Variants in PARP4 observed in about 807,000 individuals in gnomAD.
PARP4 encodes the protein poly(ADP-ribose) polymerase family member 4.
PARP4 carries 120 observed loss-of-function variants against 187.7 expected under a neutral mutation model. That is an observed-to-expected ratio of 0.64 (90% CI 0.55 to 0.74). The LOEUF is 0.74. Ranked by LOEUF, PARP4 falls within the 30% of genes least tolerant of loss-of-function variation. The pLI is 0.00. For missense variants in PARP4, 1,836 were observed against 2,070.5 expected (o/e 0.89, Z 2.20); for synonymous variants, 654 against 740.9 (o/e 0.88, Z 1.90).
intron 25 of PARP4, among the ~76,000 whole-genome samples, chr13:24,448,298 C>G (rs1340313073): frequency 6.6e-6 from 1 of 152,096 alleles, no homozygotes; most frequent in Non-Finnish European, 1.5e-5. Flanking sequence ...GTCCCAGCTA[C>G]TCTGGAGGCT....
intron 27 of PARP4, among the ~76,000 whole-genome samples, chr13:24,444,618 T>G (rs1309063139): frequency 6.6e-6 from 1 of 152,194 alleles, no homozygotes; most frequent in African/African-American, 2.4e-5. Context: ...GTGGATTCAG[T>G]ACCAGTGCAA....
At chr13:24,449,875 T>C in intron 24 of PARP4, 58 bp from the exon 25 acceptor site, 6 of 1,037,022 alleles carry the variant, frequency 5.8e-6, no homozygotes, top group South Asian at 5.3e-5. Flanking sequence ...TTGAAGTACA[T>C]GTTAACAGTG....
At chr13:24,497,350 C>T (rs1247721183) in intron 6 of PARP4, among the ~76,000 whole-genome samples, 1 of 152,162 alleles carries the variant, frequency 6.6e-6, no homozygotes, top group African/African-American at 2.4e-5. Flanking sequence ...TCTCTGACGC[C>T]AGGGTGTGAA....
At chr13:24,487,099 A>C (rs910722629) in intron 10 of PARP4, among the ~76,000 whole-genome samples, 1 of 150,166 alleles carries the variant, frequency 6.7e-6, no homozygotes, top group African/African-American at 2.5e-5. Flanking sequence ...GTCCCTACTA[A>C]AAATACAAAA....
At chr13:24,506,181 G>A (rs1869650337) in intron 1 of PARP4, among the ~76,000 whole-genome samples, 1 of 152,190 alleles carries the variant, frequency 6.6e-6, no homozygotes, top group South Asian at 2.1e-4. Flanking sequence ...CAAGTATGAA[G>A]CCGCAGACCC....
At chr13:24,495,895 A>G (rs945206619) in intron 6 of PARP4, among the ~76,000 whole-genome samples, 2 of 152,210 alleles carry the variant, frequency 1.3e-5, no homozygotes, top group Non-Finnish European at 2.9e-5. Context: ...AATCCTCTTC[A>G]GCAGAACGGT....
chr13:24,444,179 A>G (rs907207053), intron 27 of PARP4, among the ~76,000 whole-genome samples: 1 of 152,266 alleles, frequency 6.6e-6, no homozygotes, highest in Non-Finnish European at 1.5e-5. Flanking sequence ...TTCCTCTCCA[A>G]CAACTGAGAG....
intron 33 of PARP4, among the ~76,000 whole-genome samples, chr13:24,422,032 A>T (rs1276565984): frequency 6.6e-6 from 1 of 152,212 alleles, no homozygotes; most frequent in East Asian, 1.9e-4. Context: ...AATATTTTGA[A>T]AATTCTCTCC....
Position 24,455,040 on chromosome 13 carries a change from ACTTT to A in PARP4, c.2731_2734del (p.Lys911Ter), listed in dbSNP as rs1442148084. 1 of 1,608,908 alleles carries A rather than the reference ACTTT, an allele frequency of 6.2e-7. No individual in the cohort carries two copies. The highest frequency in any genetic ancestry group is 1.1e-5 in the South Asian group (1 of 90,786). ...ACCTGTGCCGAACTGGATAATATTT[ACTTT>A]CTGCTTCTCACCCACCAAGGACAGC... On this transcript the variant is annotated frameshift_variant, in exon 22 of 34. Coordinates refer to ENST00000381989, the MANE Select transcript of PARP4 (RefSeq NM_006437.4). LOFTEE classifies it high-confidence loss of function.
At chr13:24,427,223 ACT>A (rs1282694119) in intron 32 of PARP4, among the ~76,000 whole-genome samples, 3 of 152,232 alleles carry the variant, frequency 2.0e-5, no homozygotes, top group African/African-American at 4.8e-5. Flanking sequence ...GACTAATTAC[ACT>A]GGTGTATCAA....
At chr13:24,428,117 A>C (rs1047245812) in intron 32 of PARP4, among the ~76,000 whole-genome samples, 7 of 152,226 alleles carry the variant, frequency 4.6e-5, no homozygotes, top group African/African-American at 1.2e-4. Context: ...TCGAAGAAGG[A>C]AGGCAGAAAA....
intron 27 of PARP4, among the ~76,000 whole-genome samples, 193 bp from the exon 28 acceptor site, chr13:24,443,923 C>T (rs1244400249): frequency 6.6e-6 from 1 of 152,234 alleles, no homozygotes; most frequent in African/African-American, 2.4e-5. Context: ...ACAGAACATT[C>T]TCTTTTCCCT....
At position 24,455,614 on chromosome 13, in the gene PARP4, CTT is replaced by C. The variant is rs1233823030; in HGVS notation, c.2563-404_2563-403del. ...ATTTAACTACTATCATGTAAGTTTC[CTT>C]TTTTTTTTTTTTTTTTTTTGAGACA... On this transcript the variant is annotated intron_variant, in intron 21 of 33. Transcript: ENST00000381989. Among the ~76,000 whole-genome samples, 777 of 116,220 alleles carry C rather than the reference CTT, an allele frequency of 6.7e-3. 5 individuals are homozygous for C. Among genetic ancestry groups the C allele is most frequent in the African/African-American group, 0.024 (716 of 30,458 alleles). 76.2% of individuals were successfully genotyped at this position (116,220 alleles called of 152,430 possible). A position where few individuals can be genotyped will look rare whatever the true frequency, so the allele number is the denominator to read the frequency against.
intron 25 of PARP4, among the ~76,000 whole-genome samples, chr13:24,448,820 C>G (rs906737945): frequency 6.6e-6 from 1 of 152,172 alleles, no homozygotes; most frequent in Non-Finnish European, 1.5e-5. Context: ...CATGCTTCAA[C>G]ATAGATGGAC....
chr13:24,479,930 G>A (rs1322446442), intron 12 of PARP4, among the ~76,000 whole-genome samples: 1 of 151,984 alleles, frequency 6.6e-6, no homozygotes, highest in Non-Finnish European at 1.5e-5. Context: ...GCGAGACCAC[G>A]AGCCCACCGG....
In PARP4 at chr13:24,426,473, T is replaced by C; in HGVS notation, c.4972A>G (p.Ile1658Val). Reference sequence around the variant, plus strand: ...TACTATAGTTAAAGCCACCTGGAAATAGAAGCGTCATCCATTTTCATCAGT... The same window carrying C: ...TACTATAGTTAAAGCCACCTGGAAACAGAAGCGTCATCCATTTTCATCAGT... ...KSLMKMDDAS[I>V]SRNIPWAFEA... Residue 1658 changes from isoleucine to valine, a missense_variant, in exon 33 of 34, where the codon ATT (isoleucine) becomes GTT (valine). Physicochemically the swap from Ile to Val is conservative, Grantham distance 29 (BLOSUM62 3). This residue lies in a region of PARP4 where 45 missense variants were observed against 53.1 expected (regional missense o/e 0.85). Coordinates refer to ENST00000381989, the MANE Select transcript of PARP4 (RefSeq NM_006437.4). 5 of 1,609,258 alleles carry C rather than the reference T, an allele frequency of 3.1e-6. No individual in the cohort carries two copies. The highest frequency in any genetic ancestry group is 2.2e-5 in the East Asian group (1 of 44,862).
chr13:24,470,046 A>G (rs761604127), intron 15 of PARP4, 21 bp from the exon 16 acceptor site: 12 of 1,607,616 alleles, frequency 7.5e-6, no homozygotes, highest in Non-Finnish European at 9.3e-6. Flanking sequence ...AAAAAAATCC[A>G]TACAATTGAT....
chr13:24,447,090 C>CAA lies in PARP4; in HGVS notation c.3210_3211insTT (p.Ala1071LeufsTer32), dbSNP rs758026174. 1.2e-6 allele frequency: 2 copies of CAA among 1,612,484 alleles called. No individual in the cohort carries two copies. Among genetic ancestry groups the CAA allele is most frequent in the African/African-American group, 1.3e-5 (1 of 74,916 alleles). On this transcript the variant is annotated frameshift_variant, in exon 26 of 34. Transcript: ENST00000381989. LOFTEE classifies it high-confidence loss of function. ...AACAAGGACGGCACCTGGGCTGGGG[C>CAA]CTGCAGGGCCTCGGGCACATCTGGA...
At chr13:24,475,320 G>A in intron 15 of PARP4, 152 bp downstream of exon 15, 2 of 700,380 alleles carry the variant, frequency 2.9e-6, no homozygotes, top group Non-Finnish European at 4.7e-6. Flanking sequence ...AGCCTAGCTA[G>A]TCCCTGGCAT....
Sources: gnomAD v4.1 joint callset for allele counts (sites outside exome capture counted in the v4.1 genomes callset) on GRCh38, gnomAD v4.1.1 for gene constraint, gnomAD v4.1.1 regional missense constraint, MANE v1.5 for transcripts, NCBI Gene and HGNC (gene_info 2026-07-23, HGNC 2026-07-21) for gene names.